Variants in NTM observed in about 807,000 individuals in gnomAD.
The protein encoded by NTM is IgLON family member 2.
A neutral mutation model predicts 42.1 loss-of-function variants in NTM; 13 were observed. The ratio of observed to expected loss-of-function variants is 0.31; its 90% CI spans 0.20 to 0.49. NTM has a LOEUF of 0.49. Among genes scored for constraint, NTM ranks in the 20% least tolerant of loss-of-function variants. The pLI is 0.99. For synonymous variants in NTM, 187 were observed against 179.2 expected (o/e 1.04, Z -0.35); for missense variants, 373 against 452.8 (o/e 0.82, Z 1.60).
At chr11:131,961,639 A>G (rs1455635353) in intron 2 of NTM, among the ~76,000 whole-genome samples, 3 of 152,176 alleles carry the variant, frequency 2.0e-5, no homozygotes, top group Non-Finnish European at 4.4e-5. Context: ...CCACACTAGC[A>G]TGGGGAGCAG....
chr11:131,637,580 C>G (rs1443010175), intron 1 of NTM, among the ~76,000 whole-genome samples: 2 of 151,262 alleles, frequency 1.3e-5, no homozygotes, highest in Non-Finnish European at 2.9e-5. Context: ...CCTGGCCTAC[C>G]CCCAAGGCTG....
chr11:131,391,695 C>T (rs926588483), intron 1 of NTM, among the ~76,000 whole-genome samples: 6 of 136,218 alleles, frequency 4.4e-5, no homozygotes, highest in Admixed American at 7.9e-5. Flanking sequence ...GGATTGGGTG[C>T]GGGAGGAGAG....
At chr11:131,679,712 C>T (rs1384822227) in intron 1 of NTM, among the ~76,000 whole-genome samples, 2 of 151,612 alleles carry the variant, frequency 1.3e-5, no homozygotes, top group Admixed American at 6.6e-5. Flanking sequence ...GCATCTGTAT[C>T]GCTTGAAACT....
chr11:132,297,073 A>G (rs1171922229), intron 4 of NTM, among the ~76,000 whole-genome samples: 1 of 152,182 alleles, frequency 6.6e-6, no homozygotes, highest in Admixed American at 6.5e-5. Context: ...GCTCTTCTGT[A>G]GAATTGTGCT....
At chr11:131,718,095 A>G (rs1339144563) in intron 1 of NTM, among the ~76,000 whole-genome samples, 2 of 152,150 alleles carry the variant, frequency 1.3e-5, no homozygotes, top group Admixed American at 1.3e-4. Flanking sequence ...TAGATTTTTG[A>G]ATTCAATTTA....
intron 3 of NTM, among the ~76,000 whole-genome samples, chr11:132,182,390 A>C (rs2077706464): frequency 6.6e-6 from 1 of 152,224 alleles, no homozygotes; most frequent in African/African-American, 2.4e-5. Flanking sequence ...ATCAAACTGC[A>C]GATCATGCTC....
intron 1 of NTM, among the ~76,000 whole-genome samples, chr11:131,872,114 G>A (rs2047849684): frequency 6.6e-6 from 1 of 152,116 alleles, no homozygotes; most frequent in South Asian, 2.1e-4. Context: ...ATTCTCCACT[G>A]GGTACAATTC....
chr11:131,525,370 T>G (rs2050326714), intron 1 of NTM, among the ~76,000 whole-genome samples: 1 of 152,208 alleles, frequency 6.6e-6, no homozygotes, highest in Non-Finnish European at 1.5e-5. Flanking sequence ...CAGCTGCTGT[T>G]GACCAGTGGT....
intron 1 of NTM, among the ~76,000 whole-genome samples, chr11:131,799,219 A>G (rs924055442): frequency 3.3e-5 from 5 of 152,134 alleles, no homozygotes; most frequent in African/African-American, 9.7e-5. Context: ...CCCCACTCTA[A>G]TTAGGCTCAT....
intron 1 of NTM, among the ~76,000 whole-genome samples, chr11:131,557,895 A>G (rs2055671137): frequency 6.6e-6 from 1 of 152,216 alleles, no homozygotes; most frequent in Admixed American, 6.5e-5. Flanking sequence ...TGCAGCATGC[A>G]GCTCAGCTTT....
intron 2 of NTM, among the ~76,000 whole-genome samples, chr11:131,920,054 T>A (rs2056997929): frequency 6.6e-6 from 1 of 152,154 alleles, no homozygotes; most frequent in Non-Finnish European, 1.5e-5. Flanking sequence ...GCATAGCAGG[T>A]TGTGACAGTT....
At chr11:132,308,555 T>G (rs2095173783) in intron 5 of NTM, among the ~76,000 whole-genome samples, 1 of 152,092 alleles carries the variant, frequency 6.6e-6, no homozygotes, top group Admixed American at 6.6e-5. Flanking sequence ...TTCTGGAGGT[T>G]TTCTCTGCTG....
intron 1 of NTM, among the ~76,000 whole-genome samples, chr11:131,780,666 A>G (rs2087918950): frequency 6.6e-6 from 1 of 152,118 alleles, no homozygotes; most frequent in Admixed American, 6.6e-5. Context: ...ATGGCACTTG[A>G]TTTTCCCTCT....
intron 6 of NTM, among the ~76,000 whole-genome samples, chr11:132,313,613 G>A (rs149632047): frequency 1.1e-4 from 17 of 152,188 alleles, no homozygotes; most frequent in Non-Finnish European, 2.2e-4. Context: ...TCTTGCAAAG[G>A]AAAGTAGGTG....
intron 4 of NTM, among the ~76,000 whole-genome samples, chr11:132,234,810 T>C (rs1436005616): frequency 1.3e-5 from 2 of 152,246 alleles, no homozygotes; most frequent in Non-Finnish European, 1.5e-5. Context: ...TTGAAGTATG[T>C]GTCATTTATA....
chr11:131,606,110 C>T (rs978935103), intron 1 of NTM, among the ~76,000 whole-genome samples: 7 of 152,072 alleles, frequency 4.6e-5, no homozygotes, highest in South Asian at 2.1e-4. Flanking sequence ...GTGGTGCCAT[C>T]GCAGTTCACT....
intron 3 of NTM, among the ~76,000 whole-genome samples, chr11:132,210,469 T>G (rs1337192716): frequency 2.0e-5 from 3 of 152,184 alleles, no homozygotes; most frequent in African/African-American, 7.2e-5. Context: ...AGTAACACAT[T>G]GTTCAGGTCA....
At chr11:131,432,881 T>G (rs1948791918) in intron 1 of NTM, among the ~76,000 whole-genome samples, 1 of 133,750 alleles carries the variant, frequency 7.5e-6, no homozygotes, top group Admixed American at 8.7e-5. Flanking sequence ...TGAGACGGAG[T>G]CTCACTCTGT....
chr11:131,730,633 T>A (rs1441885676), intron 1 of NTM, among the ~76,000 whole-genome samples: 1 of 151,722 alleles, frequency 6.6e-6, no homozygotes, highest in Non-Finnish European at 1.5e-5. Flanking sequence ...GCTGGGGGAT[T>A]GTTCGAGCCT....
Sources: allele counts gnomAD v4.1 joint callset (sites outside exome capture counted in the v4.1 genomes callset), GRCh38; gene constraint gnomAD v4.1.1; transcripts MANE v1.5; gene names NCBI Gene and HGNC (gene_info 2026-07-23, HGNC 2026-07-21).